Variants in RPS14 observed in about 807,000 individuals in gnomAD.
RPS14 encodes the protein ribosomal protein S14.
RPS14 carries 1 observed loss-of-function variant against 15.4 expected under a neutral mutation model. The ratio of observed to expected loss-of-function variants is 0.07; its 90% confidence interval spans 0.02 to 0.31. The LOEUF (loss-of-function observed/expected upper bound fraction) is 0.31. Among genes scored for constraint, RPS14 ranks in the 10% least tolerant of loss-of-function variants. RPS14 has a pLI of 1.00. For synonymous variants in RPS14, 68 were observed against 74.4 expected, an observed-to-expected ratio of 0.91 and a Z score of 0.44; for missense variants, 69 against 205.5, an observed-to-expected ratio of 0.34 and a Z score of 4.06.
In RPS14 at chr5:150,446,260, C is replaced by CCTCT. The variant is rs1771094121; in HGVS notation, c.311+541_311+542insAGAG. Among the ~76,000 whole-genome samples the CCTCT allele has an allele frequency of 6.6e-6, 1 of 152,096 alleles. No homozygotes were observed. Among genetic ancestry groups the CCTCT allele is most frequent in the Non-Finnish European group, 1.5e-5 (1 of 68,008 alleles). ...CAGGTCCTTCCCCTCTCCTACAGGA[C>CCTCT]TCCACCTCTTCCCCTCTGACTGCAC... On this transcript the variant is annotated intron_variant, in intron 3 of 4. Transcript: ENST00000407193. The surrounding 1 kb of genome is among the most constrained non-coding windows in gnomAD (Gnocchi z 4.2).
chr5:150,444,698 T>C (rs1403917319), intron 4 of RPS14: 1 of 493,404 alleles, frequency 2.0e-6, no homozygotes, highest in African/African-American at 1.9e-5. Context: ...TTTCATTAAG[T>C]AAAAAGACAC....
chr5:150,444,523 C>A, intron 4 of RPS14, 170 bp from the exon 5 acceptor site: 1 of 676,218 alleles, frequency 1.5e-6, no homozygotes, highest in Non-Finnish European at 2.7e-6. Context: ...CTGCCAGTTC[C>A]TCGAATTTCC....
At chr5:150,444,634 C>T (rs560935442) in intron 4 of RPS14, 19 of 623,306 alleles carry the variant, frequency 3.0e-5, no homozygotes, top group African/African-American at 2.7e-4. Flanking sequence ...TCTAGCCCAC[C>T]GTCTTCTCTA....
In RPS14 at chr5:150,447,710, T is replaced by C; in HGVS notation, c.24A>G (p.Glu8=). ...GGCTGATGACCTGTTCTTCCTTCTT[T>C]TCCTTCCCCTTTCGAGGTGCCATTT... MAPRKGK[E]KKEEQVISLG... The change falls in exon 2 of 5, where the codon GAA becomes GAG. Residue 8 remains glutamate (E), a synonymous_variant. Coordinates refer to ENST00000407193, the MANE Select transcript of RPS14 (RefSeq NM_005617.4). The C allele has an allele frequency of 6.2e-7, 1 of 1,614,040 alleles. No individual in the cohort carries two copies. Among genetic ancestry groups the C allele is most frequent in the Non-Finnish European group, 8.5e-7 (1 of 1,179,890 alleles).
At chr5:150,444,557 C>G (rs1771031836) in intron 4 of RPS14, 1 of 672,404 alleles carries the variant, frequency 1.5e-6, no homozygotes, top group East Asian at 2.8e-5. Context: ...ACTCACTTTC[C>G]AGAAAGGGAA....
At chr5:150,445,794 A>G (rs1291746850) in intron 3 of RPS14, 109 bp from the exon 4 acceptor site, 2 of 845,052 alleles carry the variant, frequency 2.4e-6, no homozygotes, top group Non-Finnish European at 3.8e-6. Flanking sequence ...AACTTTCTGT[A>G]AAGAGCCAGA....
chr5:150,447,321 T>C, intron 2 of RPS14: 1 of 549,596 alleles, frequency 1.8e-6, no homozygotes, highest in East Asian at 3.1e-5. Context: ...CCACTGCTGC[T>C]CCTGCAAAGG....
chr5:150,445,513 C>A, intron 4 of RPS14, 96 bp downstream of exon 4: 1 of 1,211,336 alleles, frequency 8.3e-7, no homozygotes, highest in Non-Finnish European at 1.2e-6. Flanking sequence ...CAAAAGTGAC[C>A]AGACCAGCCG....
intron 4 of RPS14, chr5:150,444,686 G>A (rs1394590965): frequency 4.1e-5 from 21 of 515,426 alleles, no homozygotes; most frequent in African/African-American, 1.1e-4. Context: ...CAACTGTCTC[G>A]TTTTCATTAA....
Position 150,443,755 on chromosome 5 carries a change from G to A in RPS14, c.*531C>T, listed in dbSNP as rs1036333926. On this transcript the variant is annotated 3_prime_UTR_variant, in exon 5 of 5. Coordinates refer to ENST00000407193, the MANE Select transcript of RPS14 (RefSeq NM_005617.4). ...AGAACTTTTCTTTTTTATCGCTGAT[G>A]AAAATAGGACTTGGTGTGTATTTGT... The A allele has an allele frequency of 2.0e-5, 3 of 152,206 alleles. No individual in the cohort carries two copies. Among genetic ancestry groups the A allele is most frequent in the African/African-American group, 7.2e-5 (3 of 41,438 alleles). The allele number at this position is 152,206 out of a possible 1,614,324, so 9.4% of individuals were successfully genotyped here. A position where few individuals can be genotyped will look rare whatever the true frequency, so the allele number is the denominator to read the frequency against.
At position 150,446,550 on chromosome 5, in the gene RPS14, C is replaced by G. The variant is rs1218715282; in HGVS notation, c.311+252G>C. ...CTCTCCCACCAGCCTCGGTCCCACA[C>G]AAGGAGGGTAGAGACCATGTCTGTT... On this transcript the variant is annotated intron_variant, in intron 3 of 4. Coordinates refer to ENST00000407193, the MANE Select transcript of RPS14 (RefSeq NM_005617.4). This position sits in a 1 kb window ranked among gnomAD's most constrained non-coding sequence, Gnocchi z 4.2. 6.6e-6 allele frequency among the ~76,000 whole-genome samples: 1 copy of G among 152,198 alleles called. No individual in the cohort carries two copies. Among genetic ancestry groups the G allele is most frequent in the African/African-American group, 2.4e-5 (1 of 41,458 alleles).
rs369792701 is a variant in RPS14 at position 150,445,598 on chromosome 5, G to A, written c.388+11C>T. Reference sequence around the variant, plus strand: ...AATAAACCCAAGCATTAGCTAGAGGGGGGCACTTACCAATCCGCCCGATCT... The same window carrying A: ...AATAAACCCAAGCATTAGCTAGAGGAGGGCACTTACCAATCCGCCCGATCT... On this transcript the variant is annotated intron_variant, in intron 4 of 4. Coordinates refer to ENST00000407193, the MANE Select transcript of RPS14 (RefSeq NM_005617.4). 6.2e-7 allele frequency: 1 copy of A among 1,612,330 alleles called. No homozygotes were observed. Among genetic ancestry groups the A allele is most frequent in the African/African-American group, 1.3e-5 (1 of 74,854 alleles).
At position 150,443,147 on chromosome 5, in the gene RPS14, TA is replaced by T. The variant is rs1392898642; in HGVS notation, c.*1138del. ...TTTAACAATTTAAGGAGTACTGTTA[TA>T]TTTTTTTTGCAAGCTTTTTTTTTTT... On this transcript the variant is annotated 3_prime_UTR_variant, in exon 5 of 5. Transcript: ENST00000407193. The T allele has an allele frequency of 6.6e-6, 1 of 150,632 alleles. No individual in the cohort carries two copies. The highest frequency in any genetic ancestry group is 2.5e-5 in the African/African-American group (1 of 40,504). 9.3% of individuals were successfully genotyped at this position (150,632 alleles called of 1,614,324 possible).
rs1310600060 is a variant in RPS14 at position 150,443,489 on chromosome 5, A to C, written c.*797T>G. On this transcript the variant is annotated 3_prime_UTR_variant, in exon 5 of 5. Coordinates refer to ENST00000407193, the MANE Select transcript of RPS14 (RefSeq NM_005617.4). Reference sequence around the variant, plus strand: ...CATCAAAGGCTAAAAGCAGCATCCCAACAGATTTTCCCCTCTTGCTGGTTT... The same window carrying C: ...CATCAAAGGCTAAAAGCAGCATCCCCACAGATTTTCCCCTCTTGCTGGTTT... 6.6e-6 allele frequency: 1 copy of C among 152,196 alleles called. No individual in the cohort carries two copies. Among genetic ancestry groups the C allele is most frequent in the Non-Finnish European group, 1.5e-5 (1 of 68,054 alleles). The allele number at this position is 152,196 out of a possible 1,614,324, so 9.4% of individuals were successfully genotyped here.
At position 150,446,851 on chromosome 5, in the gene RPS14, G is replaced by C; in HGVS notation, c.262C>G (p.Leu88Val). ...AQDVAQRCKE[L>V]GITALHIKLR... ...TTGATGTGTAGGGCGGTGATACCCA[G>C]CTCCTTGCACCTCTGGGCCACATCC... The change falls in exon 3 of 5, where the codon CTG becomes GTG. Residue 88 changes from leucine (L) to valine (V), a missense_variant. Leu to Val is a conservative substitution (Grantham distance 32). Transcript: ENST00000407193. This position sits in a 1 kb window ranked among gnomAD's most constrained non-coding sequence, Gnocchi z 4.2. 6.2e-7 allele frequency: 1 copy of C among 1,614,134 alleles called. No individual in the cohort carries two copies. Among genetic ancestry groups the C allele is most frequent in the Non-Finnish European group, 8.5e-7 (1 of 1,180,018 alleles).
chr5:150,447,607 G>T lies in RPS14; in HGVS notation c.127C>A (p.His43Asn). 1 of 1,613,374 alleles carries T rather than the reference G, an allele frequency of 6.2e-7. No individual in the cohort carries two copies. The highest frequency in any genetic ancestry group is 1.1e-5 in the South Asian group (1 of 91,052). ...CACTTGCCAGAAAGATCAGTGACATGGACAAAAGTGTCATTGAAGGATGCA... is the reference window on the plus strand; with the variant it reads ...CACTTGCCAGAAAGATCAGTGACATTGACAAAAGTGTCATTGAAGGATGCA... The part of the protein sequence containing the change: ...IFASFNDTFV[H>N]VTDLSGKETI... The change falls in exon 2 of 5, where the codon CAT (histidine) becomes AAT (asparagine). Residue 43 changes from histidine to asparagine, a missense_variant. Transcript: ENST00000407193.
At position 150,445,704 on chromosome 5, in the gene RPS14, A is replaced by C; in HGVS notation, c.312-19T>G. 1 of 1,590,704 alleles carries C rather than the reference A, an allele frequency of 6.3e-7. No homozygotes were observed. The highest frequency in any genetic ancestry group is 1.1e-5 in the South Asian group (1 of 89,698). Reference sequence around the variant, plus strand: ...CTTGGTCCTAGAAAATGAAGGTTTAAGTTAAGAAGAGCCTTTGGCCAAGTC... The same window carrying C: ...CTTGGTCCTAGAAAATGAAGGTTTACGTTAAGAAGAGCCTTTGGCCAAGTC... On this transcript the variant is annotated intron_variant, in intron 3 of 4. Transcript: ENST00000407193.
At chr5:150,447,011 G>A (rs747223024) in intron 2 of RPS14, 48 bp from the exon 3 acceptor site, 1 of 1,596,462 alleles carries the variant, frequency 6.3e-7, no homozygotes. Context: ...AACAAGGAGT[G>A]CTTACGATAT....
Position 150,443,162 on chromosome 5 carries a change from CTTTTT to C in RPS14, c.*1119_*1123del, listed in dbSNP as rs113793692. ...AGTACTGTTATATTTTTTTTGCAAG[CTTTTT>C]TTTTTTATTATACTTTAAGTTTTAG... On this transcript the variant is annotated 3_prime_UTR_variant, in exon 5 of 5. Transcript: ENST00000407193. The C allele has an allele frequency of 4.7e-5, 7 of 147,454 alleles. No homozygotes were observed. The highest frequency in any genetic ancestry group is 2.0e-4 in the Admixed American group (3 of 14,692). 9.1% of individuals were successfully genotyped at this position (147,454 alleles called of 1,614,324 possible). A position where few individuals can be genotyped will look rare whatever the true frequency, so the allele number is the denominator to read the frequency against.
Sources: gnomAD v4.1 joint callset for allele counts (sites outside exome capture counted in the v4.1 genomes callset) on GRCh38, gnomAD v4.1.1 for gene constraint, Gnocchi (gnomAD v3.1) non-coding constraint, MANE v1.5 for transcripts, NCBI Gene and HGNC (gene_info 2026-07-23, HGNC 2026-07-21) for gene names.